The following CEACAM20 variants were observed in gnomAD, a reference collection of about 807,000 sequenced individuals.
CEACAM20 encodes the protein cell adhesion molecule CEACAM20.
CEACAM20 carries 50 observed loss-of-function variants against 61.2 expected under a neutral mutation model. The observed-to-expected ratio is 0.82, with a 90% CI of 0.65 to 1.03. The LOEUF is 1.03. Ranked by LOEUF, CEACAM20 falls within the 50% of genes least tolerant of loss-of-function variation. The pLI is 0.00. For synonymous variants in CEACAM20, 282 were observed against 287.7 expected (o/e 0.98, Z 0.20); for missense variants, 683 against 736.4 (o/e 0.93, Z 0.84).
chr19:44,529,598 T>C lies in CEACAM20; in HGVS notation c.-89A>G. The C allele has an allele frequency of 9.2e-7, 1 of 1,082,564 alleles. No homozygotes were observed. The highest frequency in any genetic ancestry group is 1.4e-6 in the Non-Finnish European group (1 of 715,424). 67.1% of individuals were successfully genotyped at this position (1,082,564 alleles called of 1,614,324 possible). The stretch of plus-strand genomic sequence containing the variant: ...CAGTCCTCACTCCAGGTGCAGCCCC[T>C]CCACCTCCCTTCTCTCCTCTCCCAC... On this transcript the variant is annotated 5_prime_UTR_variant, in exon 1 of 12. Coordinates refer to ENST00000614924, the MANE Select transcript of CEACAM20 (RefSeq NM_001102597.3).
intron 11 of CEACAM20, 107 bp downstream of exon 11, chr19:44,510,923 G>A: frequency 7.3e-7 from 1 of 1,371,402 alleles, no homozygotes; most frequent in South Asian, 1.3e-5. Context: ...ATTTTTAAAG[G>A]GAAATTTTTC....
At chr19:44,514,834 T>C (rs1428236543) in intron 6 of CEACAM20, among the ~76,000 whole-genome samples, 3 of 151,710 alleles carry the variant, frequency 2.0e-5, no homozygotes, top group African/African-American at 7.3e-5. Context: ...TTTTTTTAAA[T>C]TTTTAAATTT....
intron 1 of CEACAM20, among the ~76,000 whole-genome samples, chr19:44,526,514 T>C (rs879931252): frequency 7.0e-6 from 1 of 142,092 alleles, no homozygotes; most frequent in East Asian, 2.1e-4. Flanking sequence ...AAAAAAAAAA[T>C]AGAAACACAC....
At position 44,523,975 on chromosome 19, in the gene CEACAM20, A is replaced by G. The variant is rs1464439495; in HGVS notation, c.472+11T>C. On this transcript the variant is annotated intron_variant, in intron 3 of 11. Coordinates refer to ENST00000614924, the MANE Select transcript of CEACAM20 (RefSeq NM_001102597.3). Reference sequence around the variant, plus strand: ...TCAGTGAGGGGTTGGAGAGAATGGAAAGGGACTCACACTTCACATCCAGGA... The same window carrying G: ...TCAGTGAGGGGTTGGAGAGAATGGAGAGGGACTCACACTTCACATCCAGGA... 1 of 1,545,860 alleles carries G rather than the reference A, an allele frequency of 6.5e-7. No individual in the cohort carries two copies. The highest frequency in any genetic ancestry group is 1.2e-5 in the South Asian group (1 of 83,434).
intron 2 of CEACAM20, 31 bp from the exon 3 acceptor site, chr19:44,524,292 G>T (rs994871824): frequency 6.3e-7 from 1 of 1,592,522 alleles, no homozygotes. Flanking sequence ...CAGAGGCAGA[G>T]ACACAGGTAG....
intron 11 of CEACAM20, among the ~76,000 whole-genome samples, chr19:44,506,489 C>A (rs1257460231): frequency 2.0e-5 from 3 of 152,194 alleles, no homozygotes; most frequent in Non-Finnish European, 2.9e-5. Flanking sequence ...CCCTTGAGGG[C>A]AAGACCTGTG....
chr19:44,527,216 A>G (rs545277447), intron 1 of CEACAM20, among the ~76,000 whole-genome samples: 1 of 152,322 alleles, frequency 6.6e-6, no homozygotes, highest in Non-Finnish European at 1.5e-5. Context: ...GCTGAGTGAG[A>G]TATCAAATGT....
At chr19:44,510,913 A>G (rs1970976091) in intron 11 of CEACAM20, 117 bp downstream of exon 11, 2 of 1,279,812 alleles carry the variant, frequency 1.6e-6, no homozygotes, top group Non-Finnish European at 2.2e-6. Flanking sequence ...AATTGAGAAG[A>G]TTTTTAAAGG....
rs768022147 is a variant in CEACAM20, at chr19:44,525,248, C to T, written c.53-4G>A. 11 of 1,570,538 alleles carry T rather than the reference C, an allele frequency of 7.0e-6. No homozygotes were observed. The highest frequency in any genetic ancestry group is 5.8e-5 in the Admixed American group (3 of 51,664). ...CTCCATACGGTACAAAGCGAGGCTA[C>T]AAGGGGAGAGAGGAGGCATTCAGGG... is the stretch of plus-strand genomic sequence containing the variant. On this transcript the variant is annotated splice_region_variant and splice_polypyrimidine_tract_variant and intron_variant, in intron 1 of 11. Coordinates refer to ENST00000614924, the MANE Select transcript of CEACAM20 (RefSeq NM_001102597.3).
chr19:44,519,402 G>A (rs1232194229), intron 5 of CEACAM20, among the ~76,000 whole-genome samples: 1 of 152,168 alleles, frequency 6.6e-6, no homozygotes, highest in African/African-American at 2.4e-5. Flanking sequence ...AAAGGAAAGA[G>A]GAGTGAGCAA....
chr19:44,513,604 T>C (rs1971074526), intron 6 of CEACAM20, among the ~76,000 whole-genome samples: 2 of 151,668 alleles, frequency 1.3e-5, no homozygotes, highest in South Asian at 2.1e-4. Context: ...TGCAGGCTGA[T>C]TTTTTGTATT....
At chr19:44,524,340 G>T in intron 2 of CEACAM20, 79 bp from the exon 3 acceptor site, 1 of 1,456,124 alleles carries the variant, frequency 6.9e-7, no homozygotes, top group Non-Finnish European at 9.3e-7. Flanking sequence ...GAGGGACCCA[G>T]AGAAACAGGA....
At chr19:44,522,375 T>C (rs1222694138) in intron 4 of CEACAM20, among the ~76,000 whole-genome samples, 1 of 152,146 alleles carries the variant, frequency 6.6e-6, no homozygotes, top group Non-Finnish European at 1.5e-5. Context: ...AGTGCTGGGA[T>C]TACAGGCGTG....
At position 44,529,577 on chromosome 19, in the gene CEACAM20, C is replaced by A; in HGVS notation, c.-68G>T. On this transcript the variant is annotated 5_prime_UTR_variant, in exon 1 of 12. Coordinates refer to ENST00000614924, the MANE Select transcript of CEACAM20 (RefSeq NM_001102597.3). ...CCCGGCTTGCACACACAGATACAGT[C>A]CTCACTCCAGGTGCAGCCCCTCCAC... The A allele has an allele frequency of 7.0e-7, 1 of 1,433,260 alleles. No homozygotes were observed. Among genetic ancestry groups the A allele is most frequent in the South Asian group, 1.2e-5 (1 of 86,252 alleles). 88.8% of individuals were successfully genotyped at this position (1,433,260 alleles called of 1,614,324 possible). A position where few individuals can be genotyped will look rare whatever the true frequency, so the allele number is the denominator to read the frequency against.
At chr19:44,510,606 AAGAAAAAGGAAGGAAGGAAGAAAGAAAG>A (rs1970961182) in intron 11 of CEACAM20, among the ~76,000 whole-genome samples, 3 of 61,790 alleles carry the variant, frequency 4.9e-5, no homozygotes, top group Admixed American at 1.8e-4. Context: ...GAAAGAAAGA[AAGAAAAAGGAAGGAAGGAAGAAAGAAAG>A]AGAAGAAAGA....
intron 11 of CEACAM20, among the ~76,000 whole-genome samples, chr19:44,506,911 G>C (rs1271761534): frequency 6.6e-6 from 1 of 152,138 alleles, no homozygotes; most frequent in Non-Finnish European, 1.5e-5. Context: ...CAAAGTCTGT[G>C]GTAATTCATT....
chr19:44,506,494 C>T (rs1970822906), intron 11 of CEACAM20, among the ~76,000 whole-genome samples: 1 of 152,180 alleles, frequency 6.6e-6, no homozygotes, highest in African/African-American at 2.4e-5. Flanking sequence ...GAGGGCAAGA[C>T]CTGTGACTTG....
At chr19:44,528,376 C>T (rs1460599597) in intron 1 of CEACAM20, among the ~76,000 whole-genome samples, 1 of 151,882 alleles carries the variant, frequency 6.6e-6, no homozygotes, top group Non-Finnish European at 1.5e-5. Flanking sequence ...TACAGGTGCC[C>T]GCCACCACAC....
At chr19:44,511,000 G>T (rs779833734) in intron 11 of CEACAM20, 30 bp downstream of exon 11, 2 of 1,613,512 alleles carry the variant, frequency 1.2e-6, no homozygotes, top group East Asian at 4.5e-5. Flanking sequence ...ATTTCCACCT[G>T]TCCAAAGACT....
Sources: allele counts gnomAD v4.1 joint callset (sites outside exome capture counted in the v4.1 genomes callset), GRCh38; gene constraint gnomAD v4.1.1; transcripts MANE v1.5; gene names NCBI Gene and HGNC (gene_info 2026-07-23, HGNC 2026-07-21).